The following PRKN variants were observed in gnomAD, a reference collection of about 807,000 sequenced individuals.
PRKN encodes E3 ubiquitin-protein ligase parkin.
In PRKN, 56 loss-of-function variants were observed where a neutral mutation model predicts 59.5. That is an observed-to-expected ratio of 0.94 (90% CI 0.76 to 1.18). The LOEUF is 1.18. Among genes scored for constraint, PRKN ranks in the 50% most tolerant of loss-of-function variants. The pLI is 0.00. For missense variants in PRKN, 657 were observed against 596.4 expected (o/e 1.10, Z -1.06); for synonymous variants, 250 against 222.1 (o/e 1.13, Z -1.12).
At chr6:161,955,442 A>G (rs967817510) in intron 6 of PRKN, among the ~76,000 whole-genome samples, 2 of 152,202 alleles carry the variant, frequency 1.3e-5, no homozygotes, top group South Asian at 4.1e-4. Flanking sequence ...TATTTACTAA[A>G]TTTTACATTA....
chr6:161,802,687 A>T (rs919677159), intron 6 of PRKN, among the ~76,000 whole-genome samples: 18 of 152,178 alleles, frequency 1.2e-4, no homozygotes, highest in African/African-American at 4.1e-4. Flanking sequence ...ACATTCCCAC[A>T]TTCCCAATTC....
chr6:162,576,637 C>A (rs1336330739), intron 1 of PRKN, among the ~76,000 whole-genome samples: 1 of 151,976 alleles, frequency 6.6e-6, no homozygotes, highest in South Asian at 2.1e-4. Flanking sequence ...CATGGTGAAA[C>A]CCTGTCTCTA....
At chr6:162,316,253 T>C (rs1782749407) in intron 2 of PRKN, among the ~76,000 whole-genome samples, 1 of 151,022 alleles carries the variant, frequency 6.6e-6, no homozygotes, top group Admixed American at 6.6e-5. Context: ...GCTAGTTTTT[T>C]AAGTTACATT....
At chr6:161,573,729 A>C (rs1199196179) in intron 7 of PRKN, among the ~76,000 whole-genome samples, 1 of 12,348 alleles carries the variant, frequency 8.1e-5, no homozygotes, top group Non-Finnish European at 1.5e-4. Context: ...CAAAAAAAAA[A>C]AAAAAAAAAA....
intron 2 of PRKN, among the ~76,000 whole-genome samples, chr6:162,390,392 TATATACACAC>T (rs1231312337): frequency 2.4e-5 from 3 of 123,478 alleles, no homozygotes; most frequent in African/African-American, 1.2e-4. Flanking sequence ...TATATATATA[TATATACACAC>T]ACACACACAC....
At position 161,630,653 on chromosome 6, in the gene PRKN, G is replaced by A. The variant is rs76407484; in HGVS notation, c.872-61237C>T. Among the ~76,000 whole-genome samples the A allele has an allele frequency of 5.1e-3, 776 of 152,092 alleles. 13 individuals carry two copies. In the East Asian group the frequency reaches 0.058, roughly 11 times the overall value. ...AAATTCATCATCTTTAAGTTATGGCGCTCTCTGGATACCCTCTCCGCAGGC... is the reference window on the plus strand; with the variant it reads ...AAATTCATCATCTTTAAGTTATGGCACTCTCTGGATACCCTCTCCGCAGGC... On this transcript the variant is annotated intron_variant, in intron 7 of 11. Transcript: ENST00000366898.
chr6:162,710,904 T>A (rs905117128), intron 1 of PRKN, among the ~76,000 whole-genome samples: 1 of 152,156 alleles, frequency 6.6e-6, no homozygotes, highest in African/African-American at 2.4e-5. Context: ...ATGGAAATGG[T>A]ATATTCAAGG....
chr6:162,292,075 T>C (rs1329804420), intron 2 of PRKN, among the ~76,000 whole-genome samples: 3 of 151,646 alleles, frequency 2.0e-5, no homozygotes, highest in Admixed American at 6.6e-5. Context: ...GCGATTCTCC[T>C]GCCTCAGCCT....
Position 161,886,746 on chromosome 6 carries a change from T to A in PRKN, c.734+86556A>T, listed in dbSNP as rs765333689. On this transcript the variant is annotated intron_variant, in intron 6 of 11. Transcript: ENST00000366898. The stretch of plus-strand genomic sequence containing the variant: ...AATAACATAAAATAAAATAAAATAA[T>A]AAAATAAAAAAAAATAAAATAAAAT... Among the ~76,000 whole-genome samples, 180 of 76,560 alleles carry A rather than the reference T, an allele frequency of 2.4e-3. No homozygotes were observed. The Middle Eastern group carries it at 0.032, about 14-fold the overall frequency. The allele number at this position is 76,560 out of a possible 152,430, so 50.2% of individuals were successfully genotyped here.
intron 4 of PRKN, among the ~76,000 whole-genome samples, chr6:162,173,725 A>G (rs1783400995): frequency 6.6e-6 from 1 of 152,100 alleles, no homozygotes; most frequent in South Asian, 2.1e-4. Context: ...TCTCCTGGGG[A>G]TGACTCCCAG....
At chr6:161,665,221 T>C (rs1283877872) in intron 7 of PRKN, among the ~76,000 whole-genome samples, 2 of 152,074 alleles carry the variant, frequency 1.3e-5, no homozygotes, top group Non-Finnish European at 2.9e-5. Flanking sequence ...ATAGATTTAG[T>C]ATTATGTTCC....
chr6:162,010,316 A>T (rs1270569087), intron 5 of PRKN, among the ~76,000 whole-genome samples: 1 of 122,748 alleles, frequency 8.1e-6, no homozygotes, highest in Non-Finnish European at 1.6e-5. Context: ...TATATATTTT[A>T]TATATTTATA....
At chr6:162,629,458 T>C (rs1783020122) in intron 1 of PRKN, among the ~76,000 whole-genome samples, 1 of 152,146 alleles carries the variant, frequency 6.6e-6, no homozygotes. Flanking sequence ...TTTAACTATG[T>C]ACAAAACAAG....
In PRKN at chr6:162,342,015, T is replaced by A. The variant is rs183365453; in HGVS notation, c.172-79250A>T. Among the ~76,000 whole-genome samples, 54 of 152,122 alleles carry A rather than the reference T, an allele frequency of 3.5e-4. 1 individual carries two copies. Among genetic ancestry groups the A allele is most frequent in the Admixed American group, 3.3e-3 (50 of 15,264 alleles). ...GAGGGTTTGCTTTTTAATGAAATAG[T>A]TTTTTTTGAAACCTCACTAATTGGT... On this transcript the variant is annotated intron_variant, in intron 2 of 11. Coordinates refer to ENST00000366898, the MANE Select transcript of PRKN (RefSeq NM_004562.3).
chr6:161,654,742 C>T (rs58060266), intron 7 of PRKN, among the ~76,000 whole-genome samples: 1 of 151,988 alleles, frequency 6.6e-6, no homozygotes, highest in Non-Finnish European at 1.5e-5. Context: ...ATGGTGGTGG[C>T]GAAAGGTCAC....
chr6:162,399,970 C>T (rs9347631), intron 2 of PRKN, among the ~76,000 whole-genome samples: 15,064 of 152,104 alleles, frequency 0.099, 896 homozygotes, highest in African/African-American at 0.17. Context: ...CTTTGGGAGG[C>T]CAAAGTGGGC....
intron 6 of PRKN, among the ~76,000 whole-genome samples, chr6:161,948,419 G>C (rs1779861953): frequency 6.6e-6 from 1 of 152,210 alleles, no homozygotes; most frequent in Non-Finnish European, 1.5e-5. Context: ...AAGTGCTGGG[G>C]ATACAGATGT....
In PRKN at chr6:162,606,077, T is replaced by C. The variant is rs189632531; in HGVS notation, c.7+121585A>G. Among the ~76,000 whole-genome samples, 750 of 152,270 alleles carry C rather than the reference T, an allele frequency of 4.9e-3. 9 individuals carry two copies. The highest frequency in any genetic ancestry group is 0.017 in the African/African-American group (725 of 41,572). On this transcript the variant is annotated intron_variant, in intron 1 of 11. Transcript: ENST00000366898. ...TTAGATTTGCATTTAAAAAGATCAA[T>C]GTGCCTACAATGAACAGAATGTTTG...
chr6:161,987,948 T>C (rs1411905805), intron 5 of PRKN, among the ~76,000 whole-genome samples: 1 of 152,092 alleles, frequency 6.6e-6, no homozygotes, highest in East Asian at 1.9e-4. Context: ...CAAAGAAACA[T>C]CCCACAAGGC....
Sources: gnomAD v4.1 joint callset for allele counts (sites outside exome capture counted in the v4.1 genomes callset) on GRCh38, gnomAD v4.1.1 for gene constraint, MANE v1.5 for transcripts, NCBI Gene and HGNC (gene_info 2026-07-23, HGNC 2026-07-21) for gene names.